GARIN2: variants seen among roughly 807,000 people sequenced by gnomAD.
GARIN2 encodes golgi associated RAB2 interactor family member 2, also known as Golgi-associated RAB2 interactor protein 2.
chr14:67,225,313 T>C, the GARIN2 span: 2 of 1,296,626 alleles, frequency 1.5e-6, no homozygotes, highest in Non-Finnish European at 2.0e-6. Context: ...ATAGCTATGA[T>C]ACTGTCACAC....
At chr14:67,198,227 C>A in the GARIN2 span, 1 of 1,613,944 alleles carries the variant, frequency 6.2e-7, no homozygotes, top group Non-Finnish European at 8.5e-7. Context: ...GCACCCCACA[C>A]TCCCATGATC....
chr14:67,193,000 A>T, the GARIN2 span, among the ~76,000 whole-genome samples: 1 of 145,792 alleles, frequency 6.9e-6, no homozygotes, highest in Non-Finnish European at 1.5e-5. Context: ...ATATATCTCT[A>T]TATATCAATA....
the GARIN2 span, among the ~76,000 whole-genome samples, chr14:67,216,270 G>A: frequency 4.6e-5 from 7 of 152,088 alleles, no homozygotes; most frequent in African/African-American, 1.7e-4. Flanking sequence ...TATTCATCTG[G>A]GATACTAACC....
the GARIN2 span, among the ~76,000 whole-genome samples, chr14:67,206,934 T>A: frequency 6.6e-6 from 1 of 152,122 alleles, no homozygotes. Context: ...TTCTCCATGT[T>A]GCCCAAGCTG....
chr14:67,206,781 A>C, the GARIN2 span, among the ~76,000 whole-genome samples: 5 of 151,872 alleles, frequency 3.3e-5, no homozygotes, highest in Non-Finnish European at 5.9e-5. Flanking sequence ...CCCAGGCTGG[A>C]GTGCAGTGGT....
the GARIN2 span, among the ~76,000 whole-genome samples, chr14:67,212,589 G>GA: frequency 0.018 from 1,835 of 99,540 alleles, 15 homozygotes; most frequent in Middle Eastern, 0.045. Flanking sequence ...AGACCCTGTT[G>GA]AAAAAAAAAA....
the GARIN2 span, among the ~76,000 whole-genome samples, chr14:67,222,553 G>T: frequency 6.6e-6 from 1 of 152,174 alleles, no homozygotes; most frequent in Admixed American, 6.5e-5. Context: ...TGGGATTATA[G>T]GAGTGAGCCA....
the GARIN2 span, chr14:67,204,674 A>G: frequency 6.2e-7 from 1 of 1,613,422 alleles, no homozygotes; most frequent in Non-Finnish European, 8.5e-7. Context: ...TTGTTTTCTC[A>G]ATGGGTGGCC....
At chr14:67,199,061 CA>C in the GARIN2 span, 1 of 818,584 alleles carries the variant, frequency 1.2e-6, no homozygotes, top group East Asian at 2.5e-5. Flanking sequence ...GCTCTTTTGC[CA>C]TGGCTACCAG....
the GARIN2 span, chr14:67,223,976 A>C: frequency 4.1e-6 from 4 of 984,960 alleles, no homozygotes; most frequent in Non-Finnish European, 4.8e-6. Context: ...ATAGGCGGAA[A>C]TCAGAATAAT....
the GARIN2 span, chr14:67,198,142 T>C: frequency 1.9e-6 from 3 of 1,598,500 alleles, no homozygotes; most frequent in Non-Finnish European, 2.6e-6. Context: ...TCAGTTTTTT[T>C]ATGTTTATGT....
At chr14:67,198,331 T>C in the GARIN2 span, 2 of 1,607,048 alleles carry the variant, frequency 1.2e-6, no homozygotes, top group Non-Finnish European at 1.7e-6. Flanking sequence ...GTAAATCATA[T>C]TCAAGGCCTG....
At chr14:67,217,005 G>A in the GARIN2 span, among the ~76,000 whole-genome samples, 7 of 151,974 alleles carry the variant, frequency 4.6e-5, no homozygotes, top group South Asian at 1.5e-3. Flanking sequence ...GCTAAGAGTG[G>A]GTGTTGAAGT....
At chr14:67,217,885 G>A in the GARIN2 span, among the ~76,000 whole-genome samples, 4 of 152,074 alleles carry the variant, frequency 2.6e-5, no homozygotes, top group Non-Finnish European at 4.4e-5. Context: ...TGAGTTCTGT[G>A]CATCTAATGG....
chr14:67,210,973 CT>C, the GARIN2 span, among the ~76,000 whole-genome samples: 2 of 152,026 alleles, frequency 1.3e-5, no homozygotes, highest in Admixed American at 1.3e-4. Context: ...GCACTCCAGC[CT>C]GGGTGATGGA....
chr14:67,193,928 G>C, the GARIN2 span, among the ~76,000 whole-genome samples: 2 of 123,256 alleles, frequency 1.6e-5, no homozygotes, highest in African/African-American at 6.9e-5. Context: ...CTGTGTGACA[G>C]AGCAAGACCC....
At chr14:67,199,076 G>T in the GARIN2 span, 1 of 930,300 alleles carries the variant, frequency 1.1e-6, no homozygotes, top group East Asian at 2.4e-5. Context: ...CTACCAGGCC[G>T]ATCTCCGAGC....
the GARIN2 span, among the ~76,000 whole-genome samples, chr14:67,193,697 C>T: frequency 1.4e-4 from 20 of 147,912 alleles, no homozygotes; most frequent in Non-Finnish European, 2.7e-4. Flanking sequence ...AATCCCAGCA[C>T]TTTGGGAGGC....
At chr14:67,213,559 T>G in the GARIN2 span, among the ~76,000 whole-genome samples, 6 of 152,110 alleles carry the variant, frequency 3.9e-5, no homozygotes, top group African/African-American at 1.4e-4. Context: ...TAATCCAGTT[T>G]ATCATTGTTG....
Sources: gnomAD v4.1 joint callset for allele counts (sites outside exome capture counted in the v4.1 genomes callset) on GRCh38, gnomAD v4.1.1 for gene constraint, MANE v1.5 for transcripts, NCBI Gene and HGNC (gene_info 2026-07-23, HGNC 2026-07-21) for gene names.